The following SUMF1 variants were observed in gnomAD, a reference collection of about 807,000 sequenced individuals.
The protein encoded by SUMF1 is formylglycine-generating enzyme.
A neutral mutation model predicts 47.6 loss-of-function variants in SUMF1; 48 were observed. The observed-to-expected ratio is 1.01, with a 90% CI of 0.80 to 1.28. The LOEUF (loss-of-function observed/expected upper bound fraction) is 1.28. Ranked by LOEUF, SUMF1 falls within the 50% of genes most tolerant of loss-of-function variation. The pLI, the probability that SUMF1 is intolerant of heterozygous loss-of-function variation, is 0.00. For missense variants in SUMF1, 571 were observed against 485.4 expected (o/e 1.18, Z -1.66); for synonymous variants, 230 against 192.1 (o/e 1.20, Z -1.63).
chr3:4,268,151 C>A (rs2125032013), intron 8 of SUMF1, among the ~76,000 whole-genome samples: 1 of 152,234 alleles, frequency 6.6e-6, no homozygotes, highest in South Asian at 2.1e-4. Context: ...AAACCAAACA[C>A]CGCATATTCT....
chr3:4,332,530 T>G (rs1428379705), intron 8 of SUMF1, among the ~76,000 whole-genome samples: 1 of 152,220 alleles, frequency 6.6e-6, no homozygotes, highest in African/African-American at 2.4e-5. Context: ...GTATGACTTG[T>G]CACATTAAAA....
intron 8 of SUMF1, among the ~76,000 whole-genome samples, chr3:4,250,236 G>A (rs904403892): frequency 1.3e-5 from 2 of 148,708 alleles, no homozygotes; most frequent in Admixed American, 1.3e-4. Flanking sequence ...GAAAGGGAGA[G>A]GGTGAGGGAG....
intron 8 of SUMF1, among the ~76,000 whole-genome samples, chr3:4,129,309 C>T (rs1432514707): frequency 6.6e-6 from 1 of 152,098 alleles, no homozygotes; most frequent in African/African-American, 2.4e-5. Flanking sequence ...CTGTAATGGA[C>T]AGCAGAGGCA....
chr3:4,096,639 A>C (rs17039881), intron 8 of SUMF1, among the ~76,000 whole-genome samples: 13,064 of 152,192 alleles, frequency 0.086, 760 homozygotes, highest in South Asian at 0.23. Context: ...ACAGATTATC[A>C]TGATAGCCAT....
intron 8 of SUMF1, among the ~76,000 whole-genome samples, chr3:4,250,035 T>A (rs1696761369): frequency 6.6e-6 from 1 of 151,798 alleles, no homozygotes; most frequent in Non-Finnish European, 1.5e-5. Flanking sequence ...AATACAAAAA[T>A]TAGCCAGGCA....
chr3:4,260,534 G>C (rs1216963236), intron 8 of SUMF1, among the ~76,000 whole-genome samples: 1 of 152,078 alleles, frequency 6.6e-6, no homozygotes, highest in Non-Finnish European at 1.5e-5. Flanking sequence ...TCAGAGATTG[G>C]GATAAACCTG....
chr3:4,266,998 T>A (rs1697209271), intron 8 of SUMF1, among the ~76,000 whole-genome samples: 1 of 152,264 alleles, frequency 6.6e-6, no homozygotes, highest in Non-Finnish European at 1.5e-5. Context: ...GGTTTTTGTC[T>A]TTGGTTCTGT....
intron 8 of SUMF1, among the ~76,000 whole-genome samples, chr3:4,287,278 A>T (rs1295285065): frequency 1.3e-5 from 2 of 152,222 alleles, no homozygotes; most frequent in Non-Finnish European, 2.9e-5. Flanking sequence ...CAGCAACTTA[A>T]CAAAATAAGA....
chr3:4,151,701 T>TA (rs34007844), intron 8 of SUMF1, among the ~76,000 whole-genome samples: 50,537 of 138,010 alleles, frequency 0.37, 9,598 homozygotes, highest in Non-Finnish European at 0.42. Context: ...GCTGATGAGC[T>TA]AAAAAAAAAA....
intron 8 of SUMF1, among the ~76,000 whole-genome samples, chr3:4,240,516 T>TAGG (rs34388317): frequency 6.6e-6 from 1 of 151,526 alleles, no homozygotes; most frequent in Non-Finnish European, 1.5e-5. Context: ...GCTTTGCTTT[T>TAGG]AGATGATTTT....
rs142977510 is a variant in SUMF1, at chr3:4,252,352, G to GCACACA, written c.1014+123972_1014+123977dup. Among the ~76,000 whole-genome samples the GCACACA allele has an allele frequency of 4.4e-4, 57 of 129,670 alleles. 1 individual carries two copies. Among genetic ancestry groups the GCACACA allele is most frequent in the African/African-American group, 1.4e-3 (52 of 37,088 alleles). 85.1% of individuals were successfully genotyped at this position (129,670 alleles called of 152,430 possible). ...GGATTCGCTCCAAATACACACATGC[G>GCACACA]CACACACACACACACACACACACAC... On this transcript the variant is annotated intron_variant and NMD_transcript_variant, in intron 8 of 12. Transcript: ENST00000448413.
chr3:4,310,988 G>C (rs1698383828), intron 8 of SUMF1, among the ~76,000 whole-genome samples: 1 of 152,214 alleles, frequency 6.6e-6, no homozygotes, highest in South Asian at 2.1e-4. Context: ...AGCAGTCGTT[G>C]AGTTTGACTG....
At chr3:4,128,777 A>C (rs185807419) in intron 8 of SUMF1, among the ~76,000 whole-genome samples, 2 of 152,268 alleles carry the variant, frequency 1.3e-5, no homozygotes, top group Admixed American at 1.3e-4. Context: ...AATGGATAGT[A>C]AGGGTGTGGG....
chr3:4,344,671 G>A (rs1699338136), intron 8 of SUMF1, among the ~76,000 whole-genome samples: 1 of 152,172 alleles, frequency 6.6e-6, no homozygotes, highest in Non-Finnish European at 1.5e-5. Flanking sequence ...GCGCAGAACT[G>A]AATGGAGGAT....
chr3:4,316,694 A>G, intron 8 of SUMF1: 5 of 1,551,184 alleles, frequency 3.2e-6, no homozygotes, highest in Non-Finnish European at 4.4e-6. Flanking sequence ...AGTGGATTTT[A>G]TATGACAACC....
chr3:4,203,979 C>T (rs1436360528), intron 8 of SUMF1, among the ~76,000 whole-genome samples: 1 of 151,954 alleles, frequency 6.6e-6, no homozygotes. Flanking sequence ...ATAAGTCCAT[C>T]CTTTAGTCTT....
chr3:4,081,612 C>T (rs1692561423), intron 8 of SUMF1, among the ~76,000 whole-genome samples: 1 of 152,128 alleles, frequency 6.6e-6, no homozygotes, highest in African/African-American at 2.4e-5. Flanking sequence ...CTGCCACTTC[C>T]TAATTAATTT....
At chr3:4,326,445 A>G (rs1698946301) in intron 8 of SUMF1, among the ~76,000 whole-genome samples, 1 of 151,894 alleles carries the variant, frequency 6.6e-6, no homozygotes. Flanking sequence ...TCAGAAAATG[A>G]CATTCTCTAC....
At chr3:4,192,879 C>T (rs1376355755) in intron 8 of SUMF1, among the ~76,000 whole-genome samples, 4 of 152,176 alleles carry the variant, frequency 2.6e-5, no homozygotes, top group South Asian at 2.1e-4. Flanking sequence ...GATAGATCAA[C>T]GTGTCAAGAG....
Sources: allele counts gnomAD v4.1 joint callset (sites outside exome capture counted in the v4.1 genomes callset), GRCh38; gene constraint gnomAD v4.1.1; transcripts MANE v1.5; gene names NCBI Gene and HGNC (gene_info 2026-07-23, HGNC 2026-07-21).